The following SYT10 variants were observed in gnomAD, a reference collection of about 807,000 sequenced individuals.
SYT10 encodes synaptotagmin 10.
Under a neutral mutation model 51.1 loss-of-function variants are expected in SYT10, and 31 were observed. The observed-to-expected ratio is 0.61, with a 90% CI of 0.46 to 0.82. The LOEUF is 0.82. Ranked by LOEUF, SYT10 falls within the 40% of genes least tolerant of loss-of-function variation. The pLI, the probability that SYT10 is intolerant of heterozygous loss-of-function variation, is 0.00. For missense variants in SYT10, 603 were observed against 634.0 expected, an observed-to-expected ratio of 0.95 and a Z score of 0.53; for synonymous variants, 233 against 225.9, an observed-to-expected ratio of 1.03 and a Z score of -0.28.
At chr12:33,406,692 A>C in intron 3 of SYT10, 97 bp downstream of exon 3, 2 of 1,057,956 alleles carry the variant, frequency 1.9e-6, no homozygotes, top group Non-Finnish European at 2.7e-6. Flanking sequence ...TAAATTCCAT[A>C]ACTCTGCAAG....
chr12:33,425,473 G>A (rs1380583457), intron 2 of SYT10, among the ~76,000 whole-genome samples: 3 of 152,096 alleles, frequency 2.0e-5, no homozygotes, highest in Non-Finnish European at 4.4e-5. Context: ...ACTTTCCCAG[G>A]CTGAGTTAAA....
intron 3 of SYT10, among the ~76,000 whole-genome samples, chr12:33,395,688 A>G (rs73312125): frequency 0.065 from 9,876 of 152,290 alleles, 1,074 homozygotes; most frequent in African/African-American, 0.22. Flanking sequence ...TTAGTTCTCT[A>G]TGCATATCAG....
intron 3 of SYT10, among the ~76,000 whole-genome samples, chr12:33,401,859 C>T (rs1187186601): frequency 6.6e-6 from 1 of 152,144 alleles, no homozygotes; most frequent in African/African-American, 2.4e-5. Flanking sequence ...TATTCATTAA[C>T]CACTAAGCAC....
At chr12:33,423,350 T>C (rs1866522669) in intron 2 of SYT10, among the ~76,000 whole-genome samples, 4 of 152,056 alleles carry the variant, frequency 2.6e-5, no homozygotes, top group South Asian at 4.1e-4. Context: ...TGTGTGTGTG[T>C]GCGTGCCTGT....
chr12:33,389,609 A>AG (rs1866186982), intron 3 of SYT10, among the ~76,000 whole-genome samples: 1 of 152,162 alleles, frequency 6.6e-6, no homozygotes. Flanking sequence ...ATTCAGTGAT[A>AG]TATTAGGAAG....
At chr12:33,435,878 C>T (rs898133146) in intron 1 of SYT10, among the ~76,000 whole-genome samples, 1 of 151,904 alleles carries the variant, frequency 6.6e-6, no homozygotes, top group Non-Finnish European at 1.5e-5. Flanking sequence ...TACTTTTATC[C>T]CTACCTCTAA....
chr12:33,434,888 A>G (rs533849078), intron 1 of SYT10, among the ~76,000 whole-genome samples: 2 of 152,360 alleles, frequency 1.3e-5, no homozygotes, highest in South Asian at 4.1e-4. Context: ...ATAAAACAAT[A>G]AACAAGCCCC....
chr12:33,426,371 G>T lies in SYT10; in HGVS notation c.276C>A (p.Asn92Lys), dbSNP rs1196295849. ...PCWKSKPVTS[N>K]ITTLPQSISS... is the part of the protein sequence containing the mutation. ...AAATGCTCTGTGGAAGCGTAGTGATGTTGGAAGTCACAGGTTTGCTTTTCC... is the reference window on the plus strand; with the variant it reads ...AAATGCTCTGTGGAAGCGTAGTGATTTTGGAAGTCACAGGTTTGCTTTTCC... Residue 92 changes from asparagine (N) to lysine (K), a missense_variant, in exon 2 of 7, where the codon AAC becomes AAA. Physicochemically the swap from Asn to Lys is moderately conservative, Grantham distance 94 (BLOSUM62 0). Coordinates refer to ENST00000228567, the MANE Select transcript of SYT10 (RefSeq NM_198992.4). The T allele has an allele frequency of 6.2e-7, 1 of 1,614,088 alleles. No homozygotes were observed. Among genetic ancestry groups the T allele is most frequent in the Non-Finnish European group, 8.5e-7 (1 of 1,180,012 alleles).
chr12:33,409,522 T>A (rs567486640), intron 2 of SYT10, among the ~76,000 whole-genome samples: 1 of 147,526 alleles, frequency 6.8e-6, no homozygotes, highest in Non-Finnish European at 1.5e-5. Context: ...TCTTTTCTTT[T>A]TTTTTTTTTG....
chr12:33,426,098 A>G lies in SYT10; in HGVS notation c.509+40T>C, dbSNP rs757834053. 1.1e-4 allele frequency: 170 copies of G among 1,501,430 alleles called. No individual in the cohort carries two copies. The African/African-American group carries it at 1.4e-3, about 12-fold the overall frequency. The allele number at this position is 1,501,430 out of a possible 1,614,324, so 93.0% of individuals were successfully genotyped here. ...CACACACACACACACACACACACAC[A>G]CGCACACACACCAGTTTTATATATT... On this transcript the variant is annotated intron_variant, in intron 2 of 6. Transcript: ENST00000228567.
Position 33,426,133 on chromosome 12 carries a change from C to T in SYT10, c.509+5G>A. On this transcript the variant is annotated splice_donor_5th_base_variant and intron_variant, in intron 2 of 6. Coordinates refer to ENST00000228567, the MANE Select transcript of SYT10 (RefSeq NM_198992.4). ...ACCAGTTTTATATATTTAATCTTTC[C>T]TTACCGGGTTGATGACGTAGGCTCA... is the stretch of plus-strand genomic sequence containing the variant. 6.3e-7 allele frequency: 1 copy of T among 1,586,832 alleles called. No homozygotes were observed. Among genetic ancestry groups the T allele is most frequent in the South Asian group, 1.2e-5 (1 of 85,880 alleles).
At chr12:33,386,622 T>C (rs1395647497) in intron 3 of SYT10, among the ~76,000 whole-genome samples, 1 of 152,162 alleles carries the variant, frequency 6.6e-6, no homozygotes, top group Non-Finnish European at 1.5e-5. Context: ...AGACTGTACA[T>C]CCTTCATATC....
intron 3 of SYT10, among the ~76,000 whole-genome samples, chr12:33,394,770 CTTT>C (rs1367896740): frequency 6.6e-6 from 1 of 152,194 alleles, no homozygotes; most frequent in African/African-American, 2.4e-5. Context: ...TACTTTCGTA[CTTT>C]ACTCTGTGGC....
At chr12:33,382,275 G>T (rs1257929751) in intron 5 of SYT10, 74 bp downstream of exon 5, 1 of 1,273,938 alleles carries the variant, frequency 7.8e-7, no homozygotes, top group Non-Finnish European at 1.0e-6. Flanking sequence ...GGCAGTAAAT[G>T]ACCTGAAAAG....
chr12:33,434,547 T>TA (rs1303097145), intron 1 of SYT10, among the ~76,000 whole-genome samples: 1 of 152,220 alleles, frequency 6.6e-6, no homozygotes, highest in Non-Finnish European at 1.5e-5. Flanking sequence ...CTCACGCCTG[T>TA]AATCTCAGCA....
intron 5 of SYT10, among the ~76,000 whole-genome samples, chr12:33,380,373 A>G (rs917377388): frequency 3.9e-5 from 6 of 152,212 alleles, no homozygotes; most frequent in African/African-American, 1.4e-4. Flanking sequence ...ATTTCTCACC[A>G]AGAAATACAG....
At chr12:33,406,322 A>C (rs2138414282) in intron 3 of SYT10, among the ~76,000 whole-genome samples, 1 of 152,260 alleles carries the variant, frequency 6.6e-6, no homozygotes, top group South Asian at 2.1e-4. Flanking sequence ...GTTGTTTCAG[A>C]TCAAACCAAG....
At chr12:33,409,441 T>C (rs1313998028) in intron 2 of SYT10, among the ~76,000 whole-genome samples, 1 of 151,824 alleles carries the variant, frequency 6.6e-6, no homozygotes, top group African/African-American at 2.4e-5. Context: ...GGTCTCAAAC[T>C]CCTGACCTTA....
At chr12:33,435,449 G>A (rs1306733806) in intron 1 of SYT10, among the ~76,000 whole-genome samples, 1 of 152,186 alleles carries the variant, frequency 6.6e-6, no homozygotes, top group African/African-American at 2.4e-5. Context: ...AGACATAGTA[G>A]AAGTTGGCCA....
Sources: allele counts gnomAD v4.1 joint callset (sites outside exome capture counted in the v4.1 genomes callset), GRCh38; gene constraint gnomAD v4.1.1; transcripts MANE v1.5; gene names NCBI Gene and HGNC (gene_info 2026-07-23, HGNC 2026-07-21).